CDKL3: variants seen among roughly 807,000 people sequenced by gnomAD.
CDKL3 encodes the protein cyclin dependent kinase like 3, also known as cyclin-dependent kinase-like 3.
A neutral mutation model predicts 69.3 loss-of-function variants in CDKL3; 65 were observed. The ratio of observed to expected loss-of-function variants is 0.94; its 90% confidence interval spans 0.77 to 1.15. CDKL3 has a LOEUF of 1.15. CDKL3 is among the 50% of genes most tolerant of loss of function. The probability of loss-of-function intolerance (pLI) is 0.00; values close to 1 mark genes in which losing one functional copy is unlikely to be tolerated. For synonymous variants in CDKL3, 202 were observed against 221.6 expected, an observed-to-expected ratio of 0.91 and a Z score of 0.79; for missense variants, 652 against 689.2, an observed-to-expected ratio of 0.95 and a Z score of 0.61.
intron 5 of CDKL3, among the ~76,000 whole-genome samples, chr5:134,320,679 T>C (rs1232929315): frequency 6.6e-6 from 1 of 151,686 alleles, no homozygotes; most frequent in Non-Finnish European, 1.5e-5. Context: ...ATCGAGACCA[T>C]CCTGGCTAAC....
At chr5:134,371,297 T>C, upstream of CDKL3, 1 of 514,160 alleles carries the variant, frequency 1.9e-6, no homozygotes, top group Admixed American at 3.3e-5. Flanking sequence ...AGAACACAAA[T>C]TTGTCTATTA....
At chr5:134,358,925 TCTA>T (rs1755291155) in intron 3 of CDKL3, among the ~76,000 whole-genome samples, 1 of 152,174 alleles carries the variant, frequency 6.6e-6, no homozygotes, top group African/African-American at 2.4e-5. Flanking sequence ...ACCAGCACTA[TCTA>T]CTGAGCACTT....
chr5:134,340,070 C>G (rs977252538), intron 4 of CDKL3, among the ~76,000 whole-genome samples: 1 of 152,064 alleles, frequency 6.6e-6, no homozygotes, highest in Non-Finnish European at 1.5e-5. Flanking sequence ...GGGAGGATCA[C>G]TTAAGCTGGG....
intron 6 of CDKL3, among the ~76,000 whole-genome samples, chr5:134,312,619 G>C (rs1769867987): frequency 6.6e-6 from 1 of 152,232 alleles, no homozygotes; most frequent in Non-Finnish European, 1.5e-5. Flanking sequence ...AGCCAAAACA[G>C]AGGTCAGTCT....
At position 134,298,707 on chromosome 5, in the gene CDKL3, C is replaced by T. The variant is rs1765559704; in HGVS notation, c.1723G>A (p.Gly575Arg). ...TTCTTCCCCTCGCAATGGCCATCTC[C>T]ACCCTAAAATTAGAAACCAAGCTAG... ...VDQNQEKQEG[G>R]DGHCEGKNLK... The change falls in exon 13 of 13, where the codon GGA (glycine) becomes AGA (arginine). Residue 575 changes from glycine (G) to arginine (R), a missense_variant. Physicochemically the swap from Gly to Arg is moderately radical, Grantham distance 125. Transcript: ENST00000265334. 6.2e-7 allele frequency: 1 copy of T among 1,612,142 alleles called. No homozygotes were observed. The highest frequency in any genetic ancestry group is 8.5e-7 in the Non-Finnish European group (1 of 1,178,950).
intron 8 of CDKL3, 22 bp from the exon 9 acceptor site, chr5:134,308,488 T>A: frequency 6.4e-7 from 1 of 1,573,608 alleles, no homozygotes; most frequent in Non-Finnish European, 8.6e-7. Flanking sequence ...ACATCCAAAA[T>A]CTGAGTCATC....
chr5:134,358,721 C>T (rs1181354849), intron 3 of CDKL3, among the ~76,000 whole-genome samples: 1 of 152,086 alleles, frequency 6.6e-6, no homozygotes, highest in Admixed American at 6.6e-5. Flanking sequence ...CCTCCTACCT[C>T]GGCCTCACAA....
intron 3 of CDKL3, among the ~76,000 whole-genome samples, chr5:134,354,927 C>T (rs1754202460): frequency 7.0e-6 from 1 of 143,010 alleles, no homozygotes; most frequent in Non-Finnish European, 1.5e-5. Context: ...AGCCTGGTGA[C>T]AGAGTGAGAC....
Position 134,312,304 on chromosome 5 carries a change from C to G in CDKL3, c.869G>C (p.Gly290Ala). 6.3e-7 allele frequency: 1 copy of G among 1,577,710 alleles called. No individual in the cohort carries two copies. Among genetic ancestry groups the G allele is most frequent in the Non-Finnish European group, 8.6e-7 (1 of 1,157,290 alleles). ...TCAAAATGCTTACTTTTCAATAAAT[C>G]CATCTCTAGTAAAATACTCATGATG... Reference protein sequence around the residue: ...LLHHEYFTRDGFIEKFMPELK... With the variant: ...LLHHEYFTRDAFIEKFMPELK... Residue 290 changes from glycine (G) to alanine (A), a missense_variant, in exon 7 of 13, where the codon GGA (glycine) becomes GCA (alanine). Transcript: ENST00000265334.
intron 4 of CDKL3, among the ~76,000 whole-genome samples, chr5:134,323,935 T>G (rs947377745): frequency 6.6e-6 from 1 of 152,142 alleles, no homozygotes; most frequent in African/African-American, 2.4e-5. Context: ...AGCCACAAAC[T>G]GCGAGAAAAT....
At chr5:134,358,560 T>C (rs955062365) in intron 3 of CDKL3, among the ~76,000 whole-genome samples, 4 of 151,992 alleles carry the variant, frequency 2.6e-5, no homozygotes, top group East Asian at 3.8e-4. Flanking sequence ...TTAACACAAC[T>C]ATTAATATTC....
At chr5:134,325,137 C>T (rs1773803477) in intron 4 of CDKL3, among the ~76,000 whole-genome samples, 1 of 152,108 alleles carries the variant, frequency 6.6e-6, no homozygotes. Flanking sequence ...ATGAGTATGC[C>T]ACTGTACTTC....
intron 7 of CDKL3, among the ~76,000 whole-genome samples, chr5:134,310,500 T>C (rs552381821): frequency 5.4e-4 from 82 of 151,818 alleles, no homozygotes; most frequent in Admixed American, 2.8e-3. Context: ...TATTCTTTTA[T>C]TTTTTGAGAC....
At chr5:134,339,542 GAAC>G (rs1749926560) in intron 4 of CDKL3, among the ~76,000 whole-genome samples, 1 of 152,006 alleles carries the variant, frequency 6.6e-6, no homozygotes, top group South Asian at 2.1e-4. Context: ...GAGAAAATAT[GAAC>G]AACATGATAA....
rs772832407 is a variant in CDKL3 at position 134,308,402 on chromosome 5, C to A, written c.1100G>T (p.Arg367Ile). 1.9e-6 allele frequency: 3 copies of A among 1,613,568 alleles called. No individual in the cohort carries two copies. Among genetic ancestry groups the A allele is most frequent in the Non-Finnish European group, 2.5e-6 (3 of 1,179,802 alleles). Residue 367 changes from arginine to isoleucine, a missense_variant, in exon 9 of 13, where the codon AGA (arginine) becomes ATA (isoleucine). Transcript: ENST00000265334. The part of the protein sequence containing the change: ...KVRVIKVKGG[R>I]GDISEPKKKE... ...CTTTTTTGGTTCTGAGATATCTCCTCTTCCTCCTTTGACTTTAATAACTCT... is the reference window on the plus strand; with the variant it reads ...CTTTTTTGGTTCTGAGATATCTCCTATTCCTCCTTTGACTTTAATAACTCT...
At position 134,366,390 on chromosome 5, in the gene CDKL3, T is replaced by G; in HGVS notation, c.134A>C (p.Lys45Thr). Residue 45 changes from lysine to threonine, a missense_variant, in exon 2 of 13, where the codon AAA (lysine) becomes ACA (threonine). Transcript: ENST00000265334. The stretch of plus-strand genomic sequence containing the variant: ...AAACTTTATTTCTCTCATCGCAATT[T>G]TGTTGACAGATTGTTCTGGTCTCTC... Reference protein sequence around the residue: ...FYERPEQSVNKIAMREIKFLK... With the variant: ...FYERPEQSVNTIAMREIKFLK... 4 of 1,587,628 alleles carry G rather than the reference T, an allele frequency of 2.5e-6. No homozygotes were observed. The highest frequency in any genetic ancestry group is 3.4e-6 in the Non-Finnish European group (4 of 1,169,170).
upstream of CDKL3, chr5:134,367,417 GGC>G (rs1211812745): frequency 7.2e-6 from 7 of 976,804 alleles, no homozygotes; most frequent in Non-Finnish European, 7.3e-6. Context: ...CTGTCGCCCA[GGC>G]TGGACTGCAG....
chr5:134,361,077 T>A (rs1755885799), intron 2 of CDKL3, among the ~76,000 whole-genome samples: 1 of 152,236 alleles, frequency 6.6e-6, no homozygotes, highest in South Asian at 2.1e-4. Context: ...AAAATAATTT[T>A]AAAATGTAAA....
chr5:134,289,163 TAA>T (rs34873718), intron 8 of CDKL3, among the ~76,000 whole-genome samples: 2,639 of 80,200 alleles, frequency 0.033, 25 homozygotes, highest in African/African-American at 0.075. Context: ...CCCTGTCTCA[TAA>T]AAAAAAAAAA....
Sources: gnomAD v4.1 joint callset for allele counts (sites outside exome capture counted in the v4.1 genomes callset) on GRCh38, gnomAD v4.1.1 for gene constraint, MANE v1.5 for transcripts, NCBI Gene and HGNC (gene_info 2026-07-23, HGNC 2026-07-21) for gene names.